The following TRPS1 variants were observed in gnomAD, a reference collection of about 807,000 sequenced individuals.
The protein encoded by TRPS1 is zinc finger transcription factor Trps1.
Under a neutral mutation model 101.2 loss-of-function variants are expected in TRPS1, and 6 were observed. The observed-to-expected ratio is 0.06, with a 90% CI of 0.03 to 0.12. TRPS1 has a LOEUF of 0.12. TRPS1 is among the 10% of genes least tolerant of loss of function. The pLI is 1.00. For synonymous variants in TRPS1, 578 were observed against 589.8 expected (o/e 0.98, Z 0.29); for missense variants, 1,363 against 1,567.0 (o/e 0.87, Z 2.20).
Position 115,587,170 on chromosome 8 carries a change from G to A in TRPS1, c.2531C>T (p.Pro844Leu), listed in dbSNP as rs1817579861. 2 of 1,614,174 alleles carry A rather than the reference G, an allele frequency of 1.2e-6. No individual in the cohort carries two copies. Among genetic ancestry groups the A allele is most frequent in the South Asian group, 2.2e-5 (2 of 91,086 alleles). The change falls in exon 5 of 7, where the codon CCC (proline) becomes CTC (leucine). Residue 844 changes from proline (P) to leucine (L), a missense_variant. This residue lies in a region of TRPS1 where 1,020 missense variants were observed against 1,073.0 expected (regional missense o/e 0.95). Coordinates refer to ENST00000395715, the MANE Select transcript of TRPS1 (RefSeq NM_014112.5). ...CGCCAGATGGGCGGCCTCCACATTG[G>A]GACTATCCCTTAGAGTCTTTGTCTG... is the stretch of plus-strand genomic sequence containing the variant. Reference protein sequence around the residue: ...QEQTKTLRDSPNVEAAHLARP... With the variant: ...QEQTKTLRDSLNVEAAHLARP...
intron 1 of TRPS1, among the ~76,000 whole-genome samples, chr8:115,648,330 G>A (rs1265908143): frequency 6.6e-6 from 1 of 152,180 alleles, no homozygotes; most frequent in African/African-American, 2.4e-5. Context: ...CAGCAGCCGA[G>A]GATGAGAGAG....
At chr8:115,533,320 T>C (rs1816181029) in intron 5 of TRPS1, among the ~76,000 whole-genome samples, 1 of 152,096 alleles carries the variant, frequency 6.6e-6, no homozygotes, top group African/African-American at 2.4e-5. Context: ...CCAATATTTC[T>C]AATGTTGTCA....
chr8:115,554,035 AT>A (rs1409711388), intron 5 of TRPS1, among the ~76,000 whole-genome samples: 2 of 152,214 alleles, frequency 1.3e-5, no homozygotes, highest in East Asian at 3.8e-4. Flanking sequence ...ACTACAAGTT[AT>A]AAAAACATTT....
intron 5 of TRPS1, among the ~76,000 whole-genome samples, chr8:115,532,358 T>C (rs1438035717): frequency 6.6e-6 from 1 of 152,138 alleles, no homozygotes; most frequent in Non-Finnish European, 1.5e-5. Flanking sequence ...CCAAAGACTT[T>C]TCAGGCATAT....
At chr8:115,547,564 A>G (rs1418023878) in intron 5 of TRPS1, among the ~76,000 whole-genome samples, 1 of 152,164 alleles carries the variant, frequency 6.6e-6, no homozygotes, top group Non-Finnish European at 1.5e-5. Flanking sequence ...AATAGAAGGC[A>G]GTCACCGTAA....
intron 1 of TRPS1, among the ~76,000 whole-genome samples, chr8:115,638,512 TG>T (rs2130579686): frequency 6.6e-6 from 1 of 152,302 alleles, no homozygotes; most frequent in Non-Finnish European, 1.5e-5. Flanking sequence ...TGTTCTCAAG[TG>T]TGAGGTAACA....
intron 5 of TRPS1, among the ~76,000 whole-genome samples, chr8:115,539,318 T>C (rs1156604991): frequency 1.3e-5 from 2 of 152,208 alleles, no homozygotes; most frequent in East Asian, 1.9e-4. Flanking sequence ...TTTCCAATGT[T>C]ATTTTAAAAA....
intron 5 of TRPS1, among the ~76,000 whole-genome samples, chr8:115,530,378 T>C (rs914231821): frequency 2.6e-5 from 4 of 152,060 alleles, no homozygotes; most frequent in Admixed American, 1.3e-4. Flanking sequence ...GAAGTCGTCT[T>C]GGGAGAAAAT....
chr8:115,465,724 A>C (rs989469440), intron 5 of TRPS1, among the ~76,000 whole-genome samples: 2 of 152,092 alleles, frequency 1.3e-5, no homozygotes, highest in Non-Finnish European at 2.9e-5. Flanking sequence ...TATCCATAAG[A>C]ACTGAATATG....
chr8:115,585,203 A>G (rs1817536761), intron 5 of TRPS1, among the ~76,000 whole-genome samples: 1 of 152,182 alleles, frequency 6.6e-6, no homozygotes, highest in South Asian at 2.1e-4. Context: ...TGCAATAGAA[A>G]CTTGAAATCA....
At chr8:115,535,171 G>A (rs1371460292) in intron 5 of TRPS1, among the ~76,000 whole-genome samples, 2 of 37,186 alleles carry the variant, frequency 5.4e-5, no homozygotes, top group East Asian at 2.5e-3. Context: ...CATATGTATT[G>A]CATATATAGC....
intron 5 of TRPS1, among the ~76,000 whole-genome samples, chr8:115,498,699 CTT>C (rs1815229194): frequency 6.6e-6 from 1 of 151,858 alleles, no homozygotes; most frequent in Non-Finnish European, 1.5e-5. Context: ...GAAAAACAAA[CTT>C]TGCCTGAAAA....
intron 5 of TRPS1, among the ~76,000 whole-genome samples, chr8:115,451,975 C>T (rs1245611082): frequency 1.3e-5 from 2 of 152,200 alleles, no homozygotes; most frequent in Non-Finnish European, 2.9e-5. Context: ...CCAACCCCCA[C>T]TTCTAAAACT....
chr8:115,410,064 T>C lies in TRPS1; in HGVS notation c.*3959A>G, dbSNP rs1013289837. On this transcript the variant is annotated 3_prime_UTR_variant, in exon 7 of 7. Coordinates refer to ENST00000395715, the MANE Select transcript of TRPS1 (RefSeq NM_014112.5). ...CATTTCCACCACTGGATGGCAGATA[T>C]TCCCCCTCTAGAAATGCATTAATTT... 6.6e-6 allele frequency: 1 copy of C among 152,144 alleles called. No homozygotes were observed. The highest frequency in any genetic ancestry group is 1.5e-5 in the Non-Finnish European group (1 of 67,960). 9.4% of individuals were successfully genotyped at this position (152,144 alleles called of 1,614,324 possible).
chr8:115,620,196 C>A (rs1277180404), intron 2 of TRPS1, 136 bp from the exon 3 acceptor site: 9 of 787,920 alleles, frequency 1.1e-5, no homozygotes, highest in Admixed American at 3.1e-5. Context: ...AAAAAAAAAA[C>A]CCATTCTAAA....
intron 5 of TRPS1, among the ~76,000 whole-genome samples, chr8:115,436,210 G>T (rs1813449927): frequency 6.6e-6 from 1 of 152,066 alleles, no homozygotes; most frequent in Non-Finnish European, 1.5e-5. Context: ...GAAAATCTGG[G>T]AAAAACTCTG....
intron 3 of TRPS1, among the ~76,000 whole-genome samples, chr8:115,617,022 A>G (rs1375993883): frequency 1.3e-5 from 2 of 152,244 alleles, no homozygotes; most frequent in Non-Finnish European, 2.9e-5. Context: ...AGTATCTGGC[A>G]TATGTGCAAA....
chr8:115,495,746 C>A (rs1815133823), intron 5 of TRPS1, among the ~76,000 whole-genome samples: 1 of 151,636 alleles, frequency 6.6e-6, no homozygotes, highest in Admixed American at 6.6e-5. Flanking sequence ...AACTAAAAGG[C>A]CATAGGAAAA....
At chr8:115,450,385 T>G (rs1178475637) in intron 5 of TRPS1, among the ~76,000 whole-genome samples, 4 of 152,192 alleles carry the variant, frequency 2.6e-5, no homozygotes, top group African/African-American at 9.7e-5. Context: ...GCTTTGAACA[T>G]GCTTTTCATT....
Sources: gnomAD v4.1 joint callset for allele counts (sites outside exome capture counted in the v4.1 genomes callset) on GRCh38, gnomAD v4.1.1 for gene constraint, gnomAD v4.1.1 regional missense constraint, MANE v1.5 for transcripts, NCBI Gene and HGNC (gene_info 2026-07-23, HGNC 2026-07-21) for gene names.